The following DYNC1H1 variants were observed in gnomAD, a reference collection of about 807,000 sequenced individuals.
The protein encoded by DYNC1H1 is dynein cytoplasmic 1 heavy chain 1.
Under a neutral mutation model 527.1 loss-of-function variants are expected in DYNC1H1, and 51 were observed. That is an observed-to-expected ratio of 0.10 (90% CI 0.08 to 0.12). The LOEUF (loss-of-function observed/expected upper bound fraction) is 0.12, where lower values mean the gene tolerates loss of function less well. Among genes scored for constraint, DYNC1H1 ranks in the 10% least tolerant of loss-of-function variants. DYNC1H1 has a pLI of 1.00. For synonymous variants in DYNC1H1, 2,189 were observed against 2,278.8 expected (o/e 0.96, Z 1.12); for missense variants, 2,771 against 5,971.8 (o/e 0.46, Z 17.66).
chr14:102,028,172 C>T (rs1157027249), intron 48 of DYNC1H1, 31 bp downstream of exon 48: 2 of 1,609,148 alleles, frequency 1.2e-6, no homozygotes. Flanking sequence ...AACAGATAAA[C>T]CACAAAACTA....
intron 1 of DYNC1H1, among the ~76,000 whole-genome samples, chr14:101,967,264 T>C (rs2047679634): frequency 6.6e-6 from 1 of 152,208 alleles, no homozygotes; most frequent in South Asian, 2.1e-4. Context: ...TTTAATCAAA[T>C]ATGTGCATCC....
At chr14:102,025,187 A>C (rs1168837771) in intron 43 of DYNC1H1, among the ~76,000 whole-genome samples, 1 of 151,782 alleles carries the variant, frequency 6.6e-6, no homozygotes, top group Non-Finnish European at 1.5e-5. Context: ...CAGGTGGATC[A>C]CGAGGTCAGG....
In DYNC1H1 at chr14:102,012,372, G is replaced by A. The variant is rs956609153; in HGVS notation, c.6916G>A (p.Asp2306Asn). 5.0e-6 allele frequency: 8 copies of A among 1,614,226 alleles called. No individual in the cohort carries two copies. The highest frequency in any genetic ancestry group is 1.1e-5 in the South Asian group (1 of 91,086). ...QKRQWIVFDG[D>N]VDPEWVENLN... is the part of the protein sequence containing the mutation. Reference sequence around the variant, plus strand: ...GCGCCAGTGGATCGTCTTCGATGGCGATGTGGATCCAGAGTGGGTTGAGAA... The same window carrying A: ...GCGCCAGTGGATCGTCTTCGATGGCAATGTGGATCCAGAGTGGGTTGAGAA... The change falls in exon 34 of 78, where the codon GAT becomes AAT. Residue 2306 changes from aspartate (D) to asparagine (N), a missense_variant. Transcript: ENST00000360184. This position sits in a 1 kb window ranked among gnomAD's most constrained non-coding sequence, Gnocchi z 4.9.
At chr14:102,032,632 G>C in intron 52 of DYNC1H1, 165 bp downstream of exon 52, 2 of 916,588 alleles carry the variant, frequency 2.2e-6, no homozygotes, top group Non-Finnish European at 3.4e-6. Context: ...CAGGTGAAGT[G>C]CTTGAGCCTA....
At position 102,019,632 on chromosome 14, in the gene DYNC1H1, C is replaced by T. The variant is rs532105141; in HGVS notation, c.8344-261C>T. Among the ~76,000 whole-genome samples, 30 of 152,298 alleles carry T rather than the reference C, an allele frequency of 2.0e-4. No individual in the cohort carries two copies. The East Asian group carries it at 3.9e-3, about 20-fold the overall frequency. ...GTTTACTCATTTGGAGACGGAGTCT[C>T]ACTCTGTCGCCAAGGCTGGAATGCA... is the stretch of plus-strand genomic sequence containing the variant. On this transcript the variant is annotated intron_variant, in intron 41 of 77. Coordinates refer to ENST00000360184, the MANE Select transcript of DYNC1H1 (RefSeq NM_001376.5).
chr14:101,970,459 T>TTTGGTTTG (rs1414022624), intron 1 of DYNC1H1, among the ~76,000 whole-genome samples: 4 of 150,766 alleles, frequency 2.7e-5, no homozygotes, highest in African/African-American at 7.3e-5. Context: ...TATTAGTATG[T>TTTGGTTTG]TTGGTTTGTT....
Position 102,036,735 on chromosome 14 carries a change from A to G in DYNC1H1, c.10908+93A>G, listed in dbSNP as rs1231989393. ...TTAGTTTTCAACTTTGTAAGACTTC[A>G]TTTTGTATCAGAAGGATAAAGCTTT... On this transcript the variant is annotated intron_variant, in intron 57 of 77. Transcript: ENST00000360184. This position sits in a 1 kb window ranked among gnomAD's most constrained non-coding sequence, Gnocchi z 5.6. 5 of 1,474,622 alleles carry G rather than the reference A, an allele frequency of 3.4e-6. No homozygotes were observed. The Admixed American group carries it at 8.4e-5, about 25-fold the overall frequency. 91.3% of individuals were successfully genotyped at this position (1,474,622 alleles called of 1,614,324 possible).
intron 10 of DYNC1H1, among the ~76,000 whole-genome samples, chr14:101,990,740 G>A (rs1377668634): frequency 1.3e-5 from 2 of 152,198 alleles, no homozygotes; most frequent in Middle Eastern, 3.4e-3. Flanking sequence ...GCCGGGCGCG[G>A]TGGCTCATGC....
At position 102,017,573 on chromosome 14, in the gene DYNC1H1, C is replaced by G; in HGVS notation, c.8177+69C>G. ...TCCAGGATTGCTGTAAACACAGCGC[C>G]ACAAAAACCTGGTTTTGATAATAAA... On this transcript the variant is annotated intron_variant, in intron 40 of 77. Coordinates refer to ENST00000360184, the MANE Select transcript of DYNC1H1 (RefSeq NM_001376.5). The surrounding 1 kb of genome is among the most constrained non-coding windows in gnomAD (Gnocchi z 4.6). The G allele has an allele frequency of 6.2e-7, 1 of 1,613,336 alleles. No homozygotes were observed. Among genetic ancestry groups the G allele is most frequent in the Non-Finnish European group, 8.5e-7 (1 of 1,179,488 alleles).
At chr14:102,034,639 A>T (rs2048550495) in intron 56 of DYNC1H1, 187 bp downstream of exon 56, 3 of 963,182 alleles carry the variant, frequency 3.1e-6, no homozygotes, top group Non-Finnish European at 4.7e-6. Context: ...TGTCTGAGTT[A>T]TTCTGCAGTG....
At chr14:101,972,524 T>A (rs984194251) in intron 1 of DYNC1H1, among the ~76,000 whole-genome samples, 3 of 152,254 alleles carry the variant, frequency 2.0e-5, no homozygotes, top group African/African-American at 4.8e-5. Flanking sequence ...TGAAGCAGCA[T>A]TCTACTGCAT....
chr14:101,990,001 C>T (rs118135257), intron 10 of DYNC1H1, among the ~76,000 whole-genome samples: 6 of 152,266 alleles, frequency 3.9e-5, no homozygotes, highest in Non-Finnish European at 8.8e-5. Context: ...ACATGCTGTA[C>T]AGATTTGTAG....
intron 15 of DYNC1H1, among the ~76,000 whole-genome samples, chr14:101,996,124 TC>T (rs1450329847): frequency 6.6e-6 from 1 of 151,696 alleles, no homozygotes; most frequent in Non-Finnish European, 1.5e-5. Context: ...GTTTTTCTTT[TC>T]TTTTCTTTTC....
chr14:101,965,045 G>A lies in DYNC1H1; in HGVS notation c.256+98G>A. ...GTCGCAGATGTCCCCGGGATGGGAG[G>A]AGCCCGGCAGCTGCAGATGACCCCT... On this transcript the variant is annotated intron_variant, in intron 1 of 77. Transcript: ENST00000360184. The surrounding 1 kb of genome is among the most constrained non-coding windows in gnomAD (Gnocchi z 4.1). 3 of 1,320,854 alleles carry A rather than the reference G, an allele frequency of 2.3e-6. No individual in the cohort carries two copies. The highest frequency in any genetic ancestry group is 1.5e-5 in the African/African-American group (1 of 66,960). 81.8% of individuals were successfully genotyped at this position (1,320,854 alleles called of 1,614,324 possible).
intron 72 of DYNC1H1, among the ~76,000 whole-genome samples, chr14:102,046,162 T>C (rs1194208955): frequency 2.0e-5 from 3 of 149,632 alleles, no homozygotes; most frequent in African/African-American, 2.5e-5. Flanking sequence ...AGCAAGACTT[T>C]GTCTCAAAAA....
In DYNC1H1 at chr14:102,040,373, C is replaced by A. The variant is rs759566577; in HGVS notation, c.11828C>A (p.Ala3943Glu). 3 of 1,614,150 alleles carry A rather than the reference C, an allele frequency of 1.9e-6. No individual in the cohort carries two copies. Among genetic ancestry groups the A allele is most frequent in the South Asian group, 1.1e-5 (1 of 91,078 alleles). ...EAVVRLSCLP[A>E]FKDLIAKVQA... ...GTGGTGAGGCTGAGCTGCCTTCCCG[C>A]GTTTAAGGACTTGATTGCAAAGGTT... Residue 3943 changes from alanine (A) to glutamate (E), a missense_variant, in exon 63 of 78, where the codon GCG (alanine) becomes GAG (glutamate). This residue lies in a region of DYNC1H1 where 120 missense variants were observed against 161.9 expected (regional missense o/e 0.74). Transcript: ENST00000360184.
At chr14:102,047,639 G>GTACATATATATA (rs1287359925) in intron 72 of DYNC1H1, 178 bp from the exon 73 acceptor site, 9 of 352,026 alleles carry the variant, frequency 2.6e-5, no homozygotes, top group South Asian at 1.7e-4. Flanking sequence ...GTGTGTGTGT[G>GTACATATATATA]TGTATATATA....
Position 102,016,122 on chromosome 14 carries a change from C to T in DYNC1H1, c.7473+36C>T. On this transcript the variant is annotated intron_variant, in intron 36 of 77. Coordinates refer to ENST00000360184, the MANE Select transcript of DYNC1H1 (RefSeq NM_001376.5). The surrounding 1 kb of genome is among the most constrained non-coding windows in gnomAD (Gnocchi z 7.3). ...ATCAGGGGCTTCACAGAGCTCACCA[C>T]TGCGCCAGACCACAGGTCTGAGGAC... The T allele has an allele frequency of 3.2e-6, 5 of 1,570,578 alleles. 1 individual carries two copies. The highest frequency in any genetic ancestry group is 2.3e-5 in the South Asian group (2 of 86,642).
chr14:102,014,611 C>T (rs1446788004), intron 34 of DYNC1H1, among the ~76,000 whole-genome samples: 1 of 151,728 alleles, frequency 6.6e-6, no homozygotes, highest in East Asian at 1.9e-4. Context: ...ACGCCCGGTG[C>T]GCACCCAGGA....
Sources: allele counts gnomAD v4.1 joint callset (sites outside exome capture counted in the v4.1 genomes callset), GRCh38; gene constraint gnomAD v4.1.1; regional missense constraint gnomAD v4.1.1; non-coding constraint Gnocchi (gnomAD v3.1); transcripts MANE v1.5; gene names NCBI Gene and HGNC (gene_info 2026-07-23, HGNC 2026-07-21).